The following CNTN5 variants were observed in gnomAD, a reference collection of about 807,000 sequenced individuals.
The protein encoded by CNTN5 is contactin-5.
Under a neutral mutation model 129.1 loss-of-function variants are expected in CNTN5, and 77 were observed. That is an observed-to-expected ratio of 0.60 (90% CI 0.50 to 0.72). The LOEUF (loss-of-function observed/expected upper bound fraction) is 0.72. Ranked by LOEUF, CNTN5 falls within the 30% of genes least tolerant of loss-of-function variation. CNTN5 has a pLI of 0.00. For synonymous variants in CNTN5, 509 were observed against 465.6 expected (o/e 1.09, Z -1.20); for missense variants, 1,478 against 1,328.8 (o/e 1.11, Z -1.75).
At chr11:100,121,831 G>A (rs1423262926) in intron 13 of CNTN5, among the ~76,000 whole-genome samples, 1 of 151,808 alleles carries the variant, frequency 6.6e-6, no homozygotes, top group Non-Finnish European at 1.5e-5. Flanking sequence ...ATAGAGGAAA[G>A]TATTATGAAG....
intron 2 of CNTN5, among the ~76,000 whole-genome samples, chr11:99,354,522 T>G (rs924899162): frequency 6.6e-6 from 1 of 152,204 alleles, no homozygotes; most frequent in African/African-American, 2.4e-5. Flanking sequence ...CGGATAATTT[T>G]TCTATGATGT....
chr11:99,790,900 C>G (rs549074810), intron 3 of CNTN5, among the ~76,000 whole-genome samples: 2 of 152,216 alleles, frequency 1.3e-5, no homozygotes, highest in African/African-American at 2.4e-5. Flanking sequence ...TTGCATTTCT[C>G]TAATGACTAG....
chr11:99,322,999 A>T (rs1472196823), intron 1 of CNTN5, among the ~76,000 whole-genome samples: 1 of 152,272 alleles, frequency 6.6e-6, no homozygotes, highest in African/African-American at 2.4e-5. Flanking sequence ...GTCGCCTACG[A>T]TTATTTATTT....
chr11:99,851,999 A>G (rs1268107534), intron 6 of CNTN5, among the ~76,000 whole-genome samples: 1 of 152,190 alleles, frequency 6.6e-6, no homozygotes, highest in African/African-American at 2.4e-5. Flanking sequence ...TTATTTCATT[A>G]GTCTCTGAGG....
At chr11:99,932,155 A>G (rs1055394027) in intron 7 of CNTN5, among the ~76,000 whole-genome samples, 1 of 143,480 alleles carries the variant, frequency 7.0e-6, no homozygotes, top group Non-Finnish European at 1.6e-5. Flanking sequence ...ATGCTTACCC[A>G]TCTCCCTTAT....
intron 12 of CNTN5, among the ~76,000 whole-genome samples, chr11:100,072,825 A>G (rs1452477246): frequency 6.6e-6 from 1 of 152,056 alleles, no homozygotes; most frequent in African/African-American, 2.4e-5. Context: ...ATTCTAAACA[A>G]TCAAATGTTA....
At chr11:99,260,617 A>C (rs375611759) in intron 1 of CNTN5, among the ~76,000 whole-genome samples, 1 of 151,900 alleles carries the variant, frequency 6.6e-6, no homozygotes, top group Non-Finnish European at 1.5e-5. Flanking sequence ...ACTACACACA[A>C]CTAAAAATTA....
At chr11:99,948,317 G>A (rs757211637) in intron 7 of CNTN5, among the ~76,000 whole-genome samples, 1 of 152,112 alleles carries the variant, frequency 6.6e-6, no homozygotes, top group Non-Finnish European at 1.5e-5. Flanking sequence ...TCAGGTCCCC[G>A]TGCTGGTATT....
chr11:99,845,607 C>T (rs945812584), intron 6 of CNTN5, among the ~76,000 whole-genome samples: 1 of 151,844 alleles, frequency 6.6e-6, no homozygotes. Context: ...CTCCTGACCT[C>T]GTGATCCGCC....
At chr11:100,020,664 A>T (rs1057240954) in intron 9 of CNTN5, among the ~76,000 whole-genome samples, 1 of 152,116 alleles carries the variant, frequency 6.6e-6, no homozygotes. Flanking sequence ...ACATAATCTT[A>T]TATGCAGAAA....
intron 3 of CNTN5, among the ~76,000 whole-genome samples, chr11:99,653,026 G>C (rs1039938867): frequency 9.2e-5 from 14 of 151,900 alleles, no homozygotes; most frequent in African/African-American, 3.4e-4. Context: ...AAAAGGATAA[G>C]GATGAGGAAA....
At chr11:100,038,103 T>C (rs1781860014) in intron 9 of CNTN5, among the ~76,000 whole-genome samples, 1 of 152,178 alleles carries the variant, frequency 6.6e-6, no homozygotes. Flanking sequence ...TTGTGGGCAT[T>C]TAGTGCTATA....
At chr11:99,521,937 T>C (rs1208818323) in intron 2 of CNTN5, among the ~76,000 whole-genome samples, 1 of 152,170 alleles carries the variant, frequency 6.6e-6, no homozygotes, top group Non-Finnish European at 1.5e-5. Flanking sequence ...TTGCAATCTC[T>C]TTACCTTTGC....
chr11:100,025,726 T>C (rs1460194402), intron 9 of CNTN5, among the ~76,000 whole-genome samples: 1 of 152,216 alleles, frequency 6.6e-6, no homozygotes, highest in Non-Finnish European at 1.5e-5. Context: ...CTTTAAGATT[T>C]GACTGCCTCA....
At chr11:99,081,270 T>G (rs1158004456) in intron 1 of CNTN5, among the ~76,000 whole-genome samples, 1 of 152,186 alleles carries the variant, frequency 6.6e-6, no homozygotes, top group Non-Finnish European at 1.5e-5. Context: ...TAGTGCTTTT[T>G]ATTGAGTGGA....
chr11:99,837,662 G>T (rs1048152044), intron 4 of CNTN5, among the ~76,000 whole-genome samples: 5 of 140,054 alleles, frequency 3.6e-5, no homozygotes, highest in African/African-American at 1.3e-4. Context: ...GGAGCATCTA[G>T]CCAGTACTTG....
At chr11:99,360,181 C>T (rs1939006179) in intron 2 of CNTN5, among the ~76,000 whole-genome samples, 1 of 152,180 alleles carries the variant, frequency 6.6e-6, no homozygotes, top group Non-Finnish European at 1.5e-5. Context: ...GAGTTGGACC[C>T]CTGAAGGTTC....
intron 9 of CNTN5, among the ~76,000 whole-genome samples, chr11:100,038,006 C>A (rs1177095364): frequency 6.6e-6 from 1 of 151,954 alleles, no homozygotes; most frequent in African/African-American, 2.4e-5. Flanking sequence ...TTGCCTTCTG[C>A]TAGCTTTTGA....
In CNTN5 at chr11:99,265,300, A is replaced by G. The variant is rs190482476; in HGVS notation, c.-209-60046A>G. Among the ~76,000 whole-genome samples the G allele has an allele frequency of 8.5e-5, 13 of 152,180 alleles. 1 individual carries two copies. The highest frequency in any genetic ancestry group is 7.9e-4 in the Admixed American group (12 of 15,260). ...TGTGTGCAAATACTTTTACTGAATC[A>G]TTTATTTTAATAGGTATTTAGTAAG... On this transcript the variant is annotated intron_variant, in intron 1 of 24. Coordinates refer to ENST00000524871, the MANE Select transcript of CNTN5 (RefSeq NM_014361.4).
Sources: allele counts gnomAD v4.1 joint callset (sites outside exome capture counted in the v4.1 genomes callset), GRCh38; gene constraint gnomAD v4.1.1; transcripts MANE v1.5; gene names NCBI Gene and HGNC (gene_info 2026-07-23, HGNC 2026-07-21).